Variants in ADAMTSL1 observed in about 807,000 individuals in gnomAD.
ADAMTSL1 encodes the protein ADAMTS-like protein 1.
A neutral mutation model predicts 201.8 loss-of-function variants in ADAMTSL1; 126 were observed. The ratio of observed to expected loss-of-function variants is 0.62; its 90% CI spans 0.54 to 0.72. The LOEUF is 0.72. Among genes scored for constraint, ADAMTSL1 ranks in the 30% least tolerant of loss-of-function variants. The probability of loss-of-function intolerance (pLI) is 0.00; values close to 1 mark genes in which losing one functional copy is unlikely to be tolerated. For synonymous variants in ADAMTSL1, 1,121 were observed against 903.4 expected (o/e 1.24, Z -4.32); for missense variants, 2,679 against 2,277.8 (o/e 1.18, Z -3.59).
intron 1 of ADAMTSL1, among the ~76,000 whole-genome samples, chr9:18,160,832 A>G (rs907577373): frequency 7.2e-6 from 1 of 138,144 alleles, no homozygotes; most frequent in African/African-American, 2.7e-5. Flanking sequence ...TGCACATACC[A>G]CCATACCTGG....
At chr9:18,836,393 G>T (rs1427663230) in intron 23 of ADAMTSL1, among the ~76,000 whole-genome samples, 2 of 152,102 alleles carry the variant, frequency 1.3e-5, no homozygotes, top group African/African-American at 2.4e-5. Flanking sequence ...TGTTTACTCT[G>T]TTGATAGTTG....
intron 2 of ADAMTSL1, among the ~76,000 whole-genome samples, chr9:18,365,690 G>A (rs1002566519): frequency 3.3e-5 from 5 of 152,142 alleles, no homozygotes; most frequent in Non-Finnish European, 4.4e-5. Context: ...AAAAGAGTGT[G>A]AGAGAAAGAA....
At chr9:18,143,475 G>A (rs1826491452) in intron 1 of ADAMTSL1, among the ~76,000 whole-genome samples, 3 of 150,842 alleles carry the variant, frequency 2.0e-5, no homozygotes, top group Admixed American at 6.7e-5. Flanking sequence ...GCTTAGCAGC[G>A]AATATCAGAG....
intron 26 of ADAMTSL1, among the ~76,000 whole-genome samples, chr9:18,901,408 T>TTTTG (rs34676229): frequency 0.13 from 19,212 of 152,106 alleles, 1,327 homozygotes; most frequent in Middle Eastern, 0.22. Context: ...ACCAGTATTA[T>TTTTG]TTTGTTTCAT....
chr9:18,375,751 CG>C (rs1327352764), intron 2 of ADAMTSL1, among the ~76,000 whole-genome samples: 1 of 152,220 alleles, frequency 6.6e-6, no homozygotes, highest in Non-Finnish European at 1.5e-5. Flanking sequence ...GGGACCCCAG[CG>C]GGTTGCCACT....
At chr9:18,097,862 T>C (rs183910203) in intron 1 of ADAMTSL1, among the ~76,000 whole-genome samples, 44 of 151,044 alleles carry the variant, frequency 2.9e-4, no homozygotes, top group African/African-American at 1.0e-3. Flanking sequence ...TTTATGGTTA[T>C]TGTTTTTTTT....
At chr9:18,162,938 C>T (rs1827459390) in intron 1 of ADAMTSL1, among the ~76,000 whole-genome samples, 4 of 151,944 alleles carry the variant, frequency 2.6e-5, no homozygotes, top group Admixed American at 2.6e-4. Flanking sequence ...AAAGGCATCA[C>T]ACTAAGCATT....
intron 26 of ADAMTSL1, among the ~76,000 whole-genome samples, chr9:18,896,848 C>T (rs1215878060): frequency 6.6e-6 from 1 of 152,096 alleles, no homozygotes; most frequent in Non-Finnish European, 1.5e-5. Flanking sequence ...CTTTCAGACT[C>T]AGGCCCTGGG....
chr9:18,498,929 T>C (rs1017243187), intron 1 of ADAMTSL1, among the ~76,000 whole-genome samples: 1 of 152,236 alleles, frequency 6.6e-6, no homozygotes, highest in African/African-American at 2.4e-5. Flanking sequence ...TCCCTCACCA[T>C]CAACTCTCCA....
At chr9:18,124,996 A>G (rs1587107442) in intron 1 of ADAMTSL1, among the ~76,000 whole-genome samples, 1 of 152,202 alleles carries the variant, frequency 6.6e-6, no homozygotes, top group Admixed American at 6.5e-5. Flanking sequence ...AGAGGAAAAT[A>G]TTTCACATTC....
At chr9:17,921,161 G>C (rs1826283299) in intron 1 of ADAMTSL1, among the ~76,000 whole-genome samples, 1 of 152,062 alleles carries the variant, frequency 6.6e-6, no homozygotes, top group South Asian at 2.1e-4. Context: ...TTATTTGTTT[G>C]TTATACTTTC....
intron 2 of ADAMTSL1, among the ~76,000 whole-genome samples, chr9:18,173,686 C>G (rs1828007498): frequency 1.3e-5 from 2 of 152,074 alleles, no homozygotes; most frequent in African/African-American, 4.8e-5. Flanking sequence ...AGCCCCAACA[C>G]TAATGCAGAC....
chr9:18,436,251 T>C (rs1819726164), intron 2 of ADAMTSL1, among the ~76,000 whole-genome samples: 1 of 152,096 alleles, frequency 6.6e-6, no homozygotes, highest in Admixed American at 6.5e-5. Context: ...GGGCTTGCTT[T>C]AGGAGGAGGT....
At chr9:18,517,247 C>T (rs1009791754) in intron 2 of ADAMTSL1, among the ~76,000 whole-genome samples, 1 of 152,044 alleles carries the variant, frequency 6.6e-6, no homozygotes, top group Non-Finnish European at 1.5e-5. Context: ...AGCAATCCCC[C>T]GGCCCCCACC....
intron 2 of ADAMTSL1, among the ~76,000 whole-genome samples, chr9:18,363,891 G>C (rs1487856958): frequency 6.6e-6 from 1 of 151,378 alleles, no homozygotes; most frequent in Non-Finnish European, 1.5e-5. Flanking sequence ...AGAAACCCTT[G>C]ATAGAGGAGA....
At chr9:18,731,697 T>C (rs939076671) in intron 15 of ADAMTSL1, among the ~76,000 whole-genome samples, 4 of 152,152 alleles carry the variant, frequency 2.6e-5, no homozygotes, top group African/African-American at 9.6e-5. Context: ...CATCTGCTTT[T>C]GGGGAGGCCT....
At chr9:18,358,767 A>G (rs1346578247) in intron 2 of ADAMTSL1, among the ~76,000 whole-genome samples, 2 of 152,076 alleles carry the variant, frequency 1.3e-5, no homozygotes, top group Non-Finnish European at 2.9e-5. Flanking sequence ...TTGTTTTTCC[A>G]TTCATTGTTT....
At chr9:18,758,046 C>A (rs1159333758) in intron 16 of ADAMTSL1, among the ~76,000 whole-genome samples, 1 of 152,146 alleles carries the variant, frequency 6.6e-6, no homozygotes, top group Non-Finnish European at 1.5e-5. Flanking sequence ...TGTGAGGAAC[C>A]TGAAGTATTG....
At chr9:18,107,391 A>T (rs557286528) in intron 1 of ADAMTSL1, among the ~76,000 whole-genome samples, 2 of 152,200 alleles carry the variant, frequency 1.3e-5, no homozygotes, top group African/African-American at 2.4e-5. Context: ...CCTGCAGCAG[A>T]AGCATTTCCT....
Sources: gnomAD v4.1 joint callset for allele counts (sites outside exome capture counted in the v4.1 genomes callset) on GRCh38, gnomAD v4.1.1 for gene constraint, MANE v1.5 for transcripts, NCBI Gene and HGNC (gene_info 2026-07-23, HGNC 2026-07-21) for gene names.